ALS2: variants seen among roughly 807,000 people sequenced by gnomAD.
ALS2 encodes the protein alsin Rho guanine nucleotide exchange factor ALS2.
In ALS2, 117 loss-of-function variants were observed where a neutral mutation model predicts 203.4. The ratio of observed to expected loss-of-function variants is 0.58; its 90% CI spans 0.50 to 0.67. ALS2 has a LOEUF of 0.67. Among genes scored for constraint, ALS2 ranks in the 30% least tolerant of loss-of-function variants. The pLI is 0.00. For synonymous variants in ALS2, 718 were observed against 725.9 expected (o/e 0.99, Z 0.17); for missense variants, 1,715 against 1,989.4 (o/e 0.86, Z 2.62).
In ALS2 at chr2:201,727,295, G is replaced by T. The variant is rs767394028; in HGVS notation, c.2913-17C>A. ...AAGCCATTCCTAAAACGTTCACAAG[G>T]ATAAATACCAGGACATTTAACAACC... On this transcript the variant is annotated splice_polypyrimidine_tract_variant and intron_variant, in intron 16 of 33. Transcript: ENST00000264276. The T allele has an allele frequency of 1.6e-5, 25 of 1,601,450 alleles. No individual in the cohort carries two copies. The highest frequency in any genetic ancestry group is 2.1e-5 in the Non-Finnish European group (25 of 1,169,042).
chr2:201,733,681 C>G (rs1276146913), intron 12 of ALS2, among the ~76,000 whole-genome samples: 1 of 152,092 alleles, frequency 6.6e-6, no homozygotes, highest in African/African-American at 2.4e-5. Context: ...AGACTTGTGC[C>G]TATATTCTAG....
intron 7 of ALS2, among the ~76,000 whole-genome samples, chr2:201,752,172 G>A (rs1031940515): frequency 5.3e-5 from 8 of 152,102 alleles, no homozygotes; most frequent in Non-Finnish European, 1.0e-4. Flanking sequence ...AGAGAGAAAT[G>A]ACATTTTTAC....
chr2:201,746,710 G>A lies in ALS2; in HGVS notation c.1854C>T (p.Gly618=). Residue 618 remains glycine, a synonymous_variant, in exon 9 of 34, where the codon GGC becomes GGT. Coordinates refer to ENST00000264276, the MANE Select transcript of ALS2 (RefSeq NM_020919.4). ...CCACTAAAAACAGGGAATAATCCCT[G>A]CCTGCAGCTATGCTCCAGACTCCAT... is the stretch of plus-strand genomic sequence containing the variant. ...SENGVWSIAA[G]RDYSLFLVDT... 6.2e-7 allele frequency: 1 copy of A among 1,614,128 alleles called. No homozygotes were observed. The highest frequency in any genetic ancestry group is 1.3e-5 in the African/African-American group (1 of 75,030).
At chr2:201,731,758 G>C (rs1691569004) in intron 13 of ALS2, among the ~76,000 whole-genome samples, 1 of 152,166 alleles carries the variant, frequency 6.6e-6, no homozygotes, top group Non-Finnish European at 1.5e-5. Flanking sequence ...CTGTGATAAG[G>C]ATAAGGGCCA....
chr2:201,735,498 C>T (rs2106028665), intron 12 of ALS2, among the ~76,000 whole-genome samples: 1 of 152,350 alleles, frequency 6.6e-6, no homozygotes. Context: ...CATCCAAGAT[C>T]CACTAACAGC....
Position 201,767,058 on chromosome 2 carries a change from G to A in ALS2, c.175+171C>T, listed in dbSNP as rs1985659. 6.3e-3 allele frequency among the ~76,000 whole-genome samples: 946 copies of A among 150,916 alleles called. 34 individuals carry two copies. The highest frequency in any genetic ancestry group is 0.058 in the Admixed American group (876 of 15,130). ...GTATACATAAGTAACAAACCTACAC[G>A]TTGTGCACATGTACCCTAAAACTTA... On this transcript the variant is annotated intron_variant, in intron 3 of 33. Transcript: ENST00000264276.
In ALS2 at chr2:201,701,955, A is replaced by G. The variant is rs1689414820; in HGVS notation, c.4936-66T>C. Reference sequence around the variant, plus strand: ...AGAAATTACATAAAGAGAGCAATGCATATGGGACTAAAGAAACAAAATCCC... The same window carrying G: ...AGAAATTACATAAAGAGAGCAATGCGTATGGGACTAAAGAAACAAAATCCC... On this transcript the variant is annotated intron_variant, in intron 33 of 33. Coordinates refer to ENST00000264276, the MANE Select transcript of ALS2 (RefSeq NM_020919.4). 1.2e-5 allele frequency: 17 copies of G among 1,428,168 alleles called. No individual in the cohort carries two copies. The South Asian group carries it at 2.0e-4, about 16-fold the overall frequency. 88.5% of individuals were successfully genotyped at this position (1,428,168 alleles called of 1,614,324 possible).
At chr2:201,767,105 TA>T (rs1174248641) in intron 3 of ALS2, 123 bp downstream of exon 3, 3,583 of 1,036,942 alleles carry the variant, frequency 3.5e-3, no homozygotes, top group Non-Finnish European at 4.0e-3. Flanking sequence ...TAATAAAATT[TA>T]AAAAAAAAAG....
intron 29 of ALS2, among the ~76,000 whole-genome samples, chr2:201,706,259 G>A (rs554597752): frequency 2.6e-5 from 4 of 151,772 alleles, no homozygotes; most frequent in South Asian, 2.1e-4. Flanking sequence ...GGTGCCGTGC[G>A]CCTGTAATCC....
chr2:201,755,266 CT>C (rs373365981), intron 5 of ALS2, among the ~76,000 whole-genome samples: 3 of 149,540 alleles, frequency 2.0e-5, no homozygotes, highest in African/African-American at 2.4e-5. Flanking sequence ...GACACTGTCT[CT>C]TTTTTTTTTC....
intron 23 of ALS2, chr2:201,722,803 G>C (rs1690891926): frequency 5.6e-6 from 3 of 535,144 alleles, no homozygotes; most frequent in African/African-American, 3.8e-5. Context: ...TTAGTGGTTG[G>C]CTGGGACTTT....
At chr2:201,770,561 C>A (rs1694329747) in intron 1 of ALS2, among the ~76,000 whole-genome samples, 1 of 152,114 alleles carries the variant, frequency 6.6e-6, no homozygotes, top group Non-Finnish European at 1.5e-5. Flanking sequence ...GCATCAAGGT[C>A]CTAATGCCCA....
At chr2:201,743,972 T>TTC (rs1692463531) in intron 10 of ALS2, among the ~76,000 whole-genome samples, 1 of 152,202 alleles carries the variant, frequency 6.6e-6, no homozygotes, top group African/African-American at 2.4e-5. Flanking sequence ...AGGGTCAACT[T>TTC]TCCCAAAGTT....
chr2:201,759,202 A>G (rs1270280561), intron 4 of ALS2, among the ~76,000 whole-genome samples: 9 of 152,168 alleles, frequency 5.9e-5, no homozygotes, highest in Non-Finnish European at 8.8e-5. Flanking sequence ...CTTCTACTTA[A>G]TTATATTTAA....
At chr2:201,763,182 TC>T (rs1693859872) in intron 3 of ALS2, 1 of 224,350 alleles carries the variant, frequency 4.5e-6, no homozygotes, top group Non-Finnish European at 8.7e-6. Context: ...CTCTCCAATG[TC>T]CCCGTGCACA....
At chr2:201,724,211 C>G in intron 21 of ALS2, 84 bp downstream of exon 21, 1 of 1,446,822 alleles carries the variant, frequency 6.9e-7, no homozygotes, top group South Asian at 1.2e-5. Flanking sequence ...ATGAAAAAGA[C>G]AAAATAAGTA....
chr2:201,713,807 T>C (rs1251180288), intron 25 of ALS2, among the ~76,000 whole-genome samples: 5 of 152,266 alleles, frequency 3.3e-5, no homozygotes, highest in Admixed American at 1.3e-4. Flanking sequence ...CATCTGTTGA[T>C]ATTTATTGAT....
chr2:201,746,807 A>T, intron 8 of ALS2, 59 bp from the exon 9 acceptor site: 1 of 1,586,738 alleles, frequency 6.3e-7, no homozygotes, highest in Non-Finnish European at 8.6e-7. Flanking sequence ...AGAACTTCGG[A>T]TCCACAGGAA....
At chr2:201,746,450 A>G in intron 9 of ALS2, 116 bp downstream of exon 9, 1 of 1,270,972 alleles carries the variant, frequency 7.9e-7, no homozygotes, top group Non-Finnish European at 1.1e-6. Context: ...TTGCAATTTT[A>G]AATAAGGTAG....
Sources: allele counts gnomAD v4.1 joint callset (sites outside exome capture counted in the v4.1 genomes callset), GRCh38; gene constraint gnomAD v4.1.1; transcripts MANE v1.5; gene names NCBI Gene and HGNC (gene_info 2026-07-23, HGNC 2026-07-21).